ARHGAP15: variants seen among roughly 807,000 people sequenced by gnomAD.
ARHGAP15 encodes Rho GTPase activating protein 15.
A neutral mutation model predicts 63.7 loss-of-function variants in ARHGAP15; 51 were observed. The ratio of observed to expected loss-of-function variants is 0.80; its 90% CI spans 0.64 to 1.01. The LOEUF (loss-of-function observed/expected upper bound fraction) is 1.01, where lower values mean the gene tolerates loss of function less well. Among genes scored for constraint, ARHGAP15 ranks in the 50% least tolerant of loss-of-function variants. ARHGAP15 has a pLI of 0.00. For missense variants in ARHGAP15, 560 were observed against 564.6 expected, an observed-to-expected ratio of 0.99 and a Z score of 0.08; for synonymous variants, 191 against 193.8, an observed-to-expected ratio of 0.99 and a Z score of 0.12.
intron 11 of ARHGAP15, among the ~76,000 whole-genome samples, chr2:143,560,412 A>C (rs970959515): frequency 9.2e-5 from 14 of 152,180 alleles, no homozygotes; most frequent in African/African-American, 3.4e-4. Flanking sequence ...CATTTTACAG[A>C]TGTAAAAACT....
chr2:143,280,949 A>G (rs1681814159), intron 6 of ARHGAP15, among the ~76,000 whole-genome samples: 1 of 152,172 alleles, frequency 6.6e-6, no homozygotes, highest in Non-Finnish European at 1.5e-5. Flanking sequence ...AGAAGAAAAA[A>G]CATTTAGATA....
intron 6 of ARHGAP15, among the ~76,000 whole-genome samples, chr2:143,273,267 A>G (rs1681385591): frequency 6.6e-6 from 1 of 152,154 alleles, no homozygotes; most frequent in African/African-American, 2.4e-5. Context: ...TTCATTTAAC[A>G]AATTAGTTAA....
intron 6 of ARHGAP15, among the ~76,000 whole-genome samples, chr2:143,356,242 A>G (rs964997472): frequency 1.3e-5 from 2 of 152,134 alleles, no homozygotes; most frequent in Admixed American, 1.3e-4. Flanking sequence ...ATGACCTTTA[A>G]TGGTTGCTTG....
chr2:143,388,508 C>T (rs1434958613), intron 6 of ARHGAP15, among the ~76,000 whole-genome samples: 1 of 152,150 alleles, frequency 6.6e-6, no homozygotes, highest in African/African-American at 2.4e-5. Context: ...CAAACTTGGG[C>T]CTTCAGACAA....
intron 11 of ARHGAP15, among the ~76,000 whole-genome samples, chr2:143,571,120 G>T (rs116675634): frequency 0.083 from 12,643 of 152,200 alleles, 735 homozygotes; most frequent in South Asian, 0.21. Context: ...AGAATCTAAT[G>T]CCTAATGATC....
chr2:143,220,582 A>T (rs536398063), intron 4 of ARHGAP15, among the ~76,000 whole-genome samples: 67 of 152,320 alleles, frequency 4.4e-4, no homozygotes, highest in African/African-American at 1.5e-3. Flanking sequence ...ATTTTAAATG[A>T]ATCTTAGTAT....
chr2:143,673,758 G>GTGTGTGTGTGTGTATATATATATATA (rs1553520615), intron 12 of ARHGAP15, among the ~76,000 whole-genome samples: 8 of 22,126 alleles, frequency 3.6e-4, no homozygotes, highest in East Asian at 3.3e-3. Context: ...GTGTGTGTGT[G>GTGTGTGTGTGTGTATATATATATATA]TATATATATA....
At chr2:143,446,789 C>T (rs1690162440) in intron 8 of ARHGAP15, among the ~76,000 whole-genome samples, 1 of 131,426 alleles carries the variant, frequency 7.6e-6, no homozygotes, top group Admixed American at 7.8e-5. Flanking sequence ...TCCCCCCACC[C>T]CACAACAGTC....
chr2:143,430,572 C>G (rs1689341468), intron 6 of ARHGAP15, among the ~76,000 whole-genome samples: 2 of 152,082 alleles, frequency 1.3e-5, no homozygotes, highest in South Asian at 4.2e-4. Flanking sequence ...AGCATTATTA[C>G]TTCGATTTTA....
intron 8 of ARHGAP15, among the ~76,000 whole-genome samples, chr2:143,458,010 A>G (rs755536105): frequency 3.9e-5 from 6 of 152,116 alleles, no homozygotes; most frequent in Non-Finnish European, 8.8e-5. Context: ...TGTAAAACAA[A>G]AAAATATTAT....
chr2:143,718,690 C>A (rs72994465), intron 13 of ARHGAP15, among the ~76,000 whole-genome samples: 191 of 152,304 alleles, frequency 1.3e-3, no homozygotes, highest in African/African-American at 4.3e-3. Flanking sequence ...TCCCAATATT[C>A]ATCATCCTCT....
intron 1 of ARHGAP15, among the ~76,000 whole-genome samples, chr2:143,150,730 T>G (rs1689781703): frequency 6.6e-6 from 1 of 152,032 alleles, no homozygotes; most frequent in Non-Finnish European, 1.5e-5. Flanking sequence ...ACCAGTGCTC[T>G]GTATGCCTCC....
At chr2:143,467,051 G>A (rs1477203209) in intron 8 of ARHGAP15, among the ~76,000 whole-genome samples, 1 of 151,952 alleles carries the variant, frequency 6.6e-6, no homozygotes, top group African/African-American at 2.4e-5. Flanking sequence ...GCATCTCTTC[G>A]AAAAATATCT....
chr2:143,575,019 T>C (rs888469837), intron 11 of ARHGAP15, among the ~76,000 whole-genome samples: 1 of 152,180 alleles, frequency 6.6e-6, no homozygotes, highest in African/African-American at 2.4e-5. Context: ...CATATTGAGT[T>C]TCACATGTCT....
chr2:143,165,897 A>G (rs567557978), intron 2 of ARHGAP15, among the ~76,000 whole-genome samples: 2 of 151,524 alleles, frequency 1.3e-5, no homozygotes, highest in African/African-American at 2.4e-5. Flanking sequence ...TCCTGGATGT[A>G]CTATCCTTAA....
intron 5 of ARHGAP15, among the ~76,000 whole-genome samples, chr2:143,245,374 G>A (rs1574145110): frequency 1.3e-5 from 2 of 152,206 alleles, no homozygotes; most frequent in African/African-American, 4.8e-5. Flanking sequence ...ACAGTGCAGA[G>A]TTCAAGTCAG....
At chr2:143,313,272 C>A (rs561387956) in intron 6 of ARHGAP15, among the ~76,000 whole-genome samples, 1 of 152,194 alleles carries the variant, frequency 6.6e-6, no homozygotes, top group South Asian at 2.1e-4. Context: ...CATGAAGTCC[C>A]ATGAAGACTG....
At chr2:143,613,869 A>T (rs1407474334) in intron 11 of ARHGAP15, among the ~76,000 whole-genome samples, 4 of 152,020 alleles carry the variant, frequency 2.6e-5, no homozygotes, top group African/African-American at 4.8e-5. Flanking sequence ...AACCCATCCT[A>T]CATGCTACTG....
chr2:143,154,234 A>T (rs111775188), intron 1 of ARHGAP15, among the ~76,000 whole-genome samples: 406 of 151,984 alleles, frequency 2.7e-3, no homozygotes, highest in African/African-American at 9.5e-3. Flanking sequence ...TGCTTAGCAC[A>T]TAGTAGATAC....
Sources: gnomAD v4.1 joint callset for allele counts (sites outside exome capture counted in the v4.1 genomes callset) on GRCh38, gnomAD v4.1.1 for gene constraint, MANE v1.5 for transcripts, NCBI Gene and HGNC (gene_info 2026-07-23, HGNC 2026-07-21) for gene names.